Variants in JOSD1 observed in about 807,000 individuals in gnomAD.
JOSD1 encodes the protein josephin-1.
JOSD1 carries 11 observed loss-of-function variants against 24.3 expected under a neutral mutation model. That is an observed-to-expected ratio of 0.45 (90% confidence interval 0.29 to 0.75). JOSD1 has a LOEUF of 0.75. Ranked by LOEUF, JOSD1 falls within the 30% of genes least tolerant of loss-of-function variation. The pLI is 0.11. For synonymous variants in JOSD1, 106 were observed against 93.8 expected, an observed-to-expected ratio of 1.13 and a Z score of -0.75; for missense variants, 184 against 253.5, an observed-to-expected ratio of 0.73 and a Z score of 1.86.
At position 38,700,880 on chromosome 22, in the gene JOSD1, G is replaced by GCTCGCCGCTGGCGGTCCC. The variant is rs1444357636; in HGVS notation, c.-730_-713dup. ...CGCAGACCCCAGGGCCGCCGGGACT[G>GCTCGCCGCTGGCGGTCCC]CTCGCCGCTGGCGGTCCCCTCACCG... On this transcript the variant is annotated 5_prime_UTR_variant, in exon 1 of 5. Coordinates refer to ENST00000683374, the MANE Select transcript of JOSD1 (RefSeq NM_001360236.2). The GCTCGCCGCTGGCGGTCCC allele has an allele frequency of 1.0e-6, 1 of 984,086 alleles. No individual in the cohort carries two copies. The highest frequency in any genetic ancestry group is 1.2e-6 in the Non-Finnish European group (1 of 829,432). The allele number at this position is 984,086 out of a possible 1,614,324, so 61.0% of individuals were successfully genotyped here.
intron 2 of JOSD1, among the ~76,000 whole-genome samples, chr22:38,691,659 T>C (rs1054305625): frequency 6.6e-6 from 1 of 152,160 alleles, no homozygotes; most frequent in Non-Finnish European, 1.5e-5. Flanking sequence ...GTTACTGCCA[T>C]AGAGAGGCCT....
chr22:38,687,953 C>A lies in JOSD1; in HGVS notation c.558G>T (p.Leu186=), dbSNP rs1285401552. The A allele has an allele frequency of 6.2e-7, 1 of 1,614,054 alleles. No individual in the cohort carries two copies. The highest frequency in any genetic ancestry group is 1.7e-5 in the Admixed American group (1 of 60,032). ...GAGCCTCTACCTCTTCTGGTACCAC[C>A]AGCAGGAGTTCACAGTTCTTTCCTC... is the stretch of plus-strand genomic sequence containing the variant. ...HLRGKNCELL[L]VVPEEVEAHQ... The change falls in exon 5 of 5, where the codon CTG becomes CTT. Residue 186 remains leucine, a synonymous_variant. Coordinates refer to ENST00000683374, the MANE Select transcript of JOSD1 (RefSeq NM_001360236.2).
chr22:38,689,854 T>C (rs560369150), intron 2 of JOSD1, among the ~76,000 whole-genome samples: 27 of 151,680 alleles, frequency 1.8e-4, no homozygotes, highest in Non-Finnish European at 3.1e-4. Context: ...TGGGGTTGGA[T>C]ATAAGGCAAT....
In JOSD1 at chr22:38,687,979, G is replaced by A; in HGVS notation, c.532C>T (p.Arg178Ter). The A allele has an allele frequency of 3.1e-6, 5 of 1,613,036 alleles. No individual in the cohort carries two copies. The highest frequency in any genetic ancestry group is 2.2e-5 in the East Asian group (1 of 44,876). The change falls in exon 5 of 5, where the codon CGA becomes TGA. Residue 178 changes from arginine (R) to a stop codon, truncating the protein, a stop_gained. Transcript: ENST00000683374. LOFTEE classifies it high-confidence loss of function. ...ELRKFLKHHL[R>*]GKNCELLLVV... ...AGCAGGAGTTCACAGTTCTTTCCTC[G>A]CAAATGATGTTTTAGAAACTTCCTA...
rs1375670513 is a variant in JOSD1 at position 38,700,563 on chromosome 22, G to A, written c.-576C>T. ...CCTCCATCCCCTCGGGTACGGTGGG[G>A]CCCGCAGGGCGCGGCTCCCTCGGAA... On this transcript the variant is annotated 5_prime_UTR_variant, in exon 2 of 5. Coordinates refer to ENST00000683374, the MANE Select transcript of JOSD1 (RefSeq NM_001360236.2). 9.1e-6 allele frequency: 9 copies of A among 985,474 alleles called. No individual in the cohort carries two copies. The highest frequency in any genetic ancestry group is 1.7e-5 in the African/African-American group (1 of 57,242). The allele number at this position is 985,474 out of a possible 1,614,324, so 61.0% of individuals were successfully genotyped here. A position where few individuals can be genotyped will look rare whatever the true frequency, so the allele number is the denominator to read the frequency against.
Position 38,685,964 on chromosome 22 carries a change from GGA to G in JOSD1, c.*1936_*1937del, listed in dbSNP as rs1477511468. On this transcript the variant is annotated 3_prime_UTR_variant, in exon 5 of 5. Coordinates refer to ENST00000683374, the MANE Select transcript of JOSD1 (RefSeq NM_001360236.2). ...TTTGCACAGGCCCAAGTGGATTTGT[GGA>G]GAGGAGTTTCCTCCTCTACCCAAGA... is the stretch of plus-strand genomic sequence containing the variant. 2 of 152,738 alleles carry G rather than the reference GGA, an allele frequency of 1.3e-5. No individual in the cohort carries two copies. Among genetic ancestry groups the G allele is most frequent in the Admixed American group, 1.3e-4 (2 of 15,286 alleles). 9.5% of individuals were successfully genotyped at this position (152,738 alleles called of 1,614,324 possible). A position where few individuals can be genotyped will look rare whatever the true frequency, so the allele number is the denominator to read the frequency against.
At chr22:38,688,130 T>G in intron 4 of JOSD1, 129 bp from the exon 5 acceptor site, 3 of 659,312 alleles carry the variant, frequency 4.6e-6, no homozygotes, top group Non-Finnish European at 8.1e-6. Flanking sequence ...TCATCTGGTT[T>G]TGGAGGGTTC....
At chr22:38,695,515 A>G (rs1046162740) in intron 2 of JOSD1, among the ~76,000 whole-genome samples, 3 of 148,716 alleles carry the variant, frequency 2.0e-5, no homozygotes, top group Admixed American at 6.8e-5. Flanking sequence ...TGGCACGAAC[A>G]TGGCTCACTG....
rs937053465 is a variant in JOSD1, at chr22:38,686,875, G to A, written c.*1027C>T. Reference sequence around the variant, plus strand: ...AAAACTGCTCTTTGGCTTCTCTTTTGTCCCAGAGCCTCCTAAATCAATGCT... The same window carrying A: ...AAAACTGCTCTTTGGCTTCTCTTTTATCCCAGAGCCTCCTAAATCAATGCT... On this transcript the variant is annotated 3_prime_UTR_variant, in exon 5 of 5. Coordinates refer to ENST00000683374, the MANE Select transcript of JOSD1 (RefSeq NM_001360236.2). The A allele has an allele frequency of 5.9e-5, 9 of 152,048 alleles. No homozygotes were observed. The highest frequency in any genetic ancestry group is 1.9e-4 in the African/African-American group (8 of 41,392). The allele number at this position is 152,048 out of a possible 1,614,324, so 9.4% of individuals were successfully genotyped here.
rs934753285 is a variant in JOSD1 at position 38,687,631 on chromosome 22, C to T, written c.*271G>A. 6.2e-5 allele frequency: 26 copies of T among 417,186 alleles called. No individual in the cohort carries two copies. Among genetic ancestry groups the T allele is most frequent in the Non-Finnish European group, 6.4e-5 (15 of 235,626 alleles). The allele number at this position is 417,186 out of a possible 1,614,324, so 25.8% of individuals were successfully genotyped here. A position where few individuals can be genotyped will look rare whatever the true frequency, so the allele number is the denominator to read the frequency against. On this transcript the variant is annotated 3_prime_UTR_variant, in exon 5 of 5. Coordinates refer to ENST00000683374, the MANE Select transcript of JOSD1 (RefSeq NM_001360236.2). ...GGAAAATAAGCTAGGATTCCCTCCC[C>T]GCTCCACTTTCTCCTCTGTCTCTTA...
intron 3 of JOSD1, 79 bp downstream of exon 3, chr22:38,689,217 T>C: frequency 6.2e-7 from 1 of 1,604,314 alleles, no homozygotes; most frequent in Non-Finnish European, 8.5e-7. Flanking sequence ...ACCTCCCCAC[T>C]CATGCCATGA....
intron 2 of JOSD1, among the ~76,000 whole-genome samples, chr22:38,692,810 GA>G (rs1175529148): frequency 7.7e-6 from 1 of 130,024 alleles, no homozygotes; most frequent in Non-Finnish European, 1.6e-5. Context: ...AAAAAAGAAA[GA>G]AAAAAAGAGA....
chr22:38,692,781 C>CAAAAAAAAAAAAAAAAAAAAAAAAAAAA (rs61214432), intron 2 of JOSD1, among the ~76,000 whole-genome samples: 2 of 45,026 alleles, frequency 4.4e-5, no homozygotes, highest in Non-Finnish European at 9.5e-5. Flanking sequence ...AACTCTGTCT[C>CAAAAAAAAAAAAAAAAAAAAAAAAAAAA]AAAAAAAAAA....
At chr22:38,692,653 T>C (rs59458863) in intron 2 of JOSD1, among the ~76,000 whole-genome samples, 9,988 of 150,986 alleles carry the variant, frequency 0.066, 704 homozygotes, top group African/African-American at 0.18. Context: ...TGGTGGCAGG[T>C]GCCTGTAATC....
chr22:38,697,236 G>A (rs1569266451), intron 2 of JOSD1, among the ~76,000 whole-genome samples: 1 of 152,118 alleles, frequency 6.6e-6, no homozygotes, highest in Non-Finnish European at 1.5e-5. Context: ...TTTTCCTCTA[G>A]ATTCCTTTCA....
Position 38,687,626 on chromosome 22 carries a change from C to T in JOSD1, c.*276G>A, listed in dbSNP as rs1486897474. The T allele has an allele frequency of 4.9e-6, 2 of 410,138 alleles. No individual in the cohort carries two copies. Among genetic ancestry groups the T allele is most frequent in the East Asian group, 4.0e-5 (1 of 24,862 alleles). The allele number at this position is 410,138 out of a possible 1,614,324, so 25.4% of individuals were successfully genotyped here. A position where few individuals can be genotyped will look rare whatever the true frequency, so the allele number is the denominator to read the frequency against. Reference sequence around the variant, plus strand: ...AAAAGGGAAAATAAGCTAGGATTCCCTCCCCGCTCCACTTTCTCCTCTGTC... The same window carrying T: ...AAAAGGGAAAATAAGCTAGGATTCCTTCCCCGCTCCACTTTCTCCTCTGTC... On this transcript the variant is annotated 3_prime_UTR_variant, in exon 5 of 5. Transcript: ENST00000683374.
rs755542546 is a variant in JOSD1 at position 38,700,055 on chromosome 22, G to C, written c.-68C>G. The stretch of plus-strand genomic sequence containing the variant: ...TCTTCCCTCTAGAGGAAGAATGTAA[G>C]CTTCTCAGTCTTTTCCGGATTCCTG... On this transcript the variant is annotated 5_prime_UTR_variant, in exon 2 of 5. Transcript: ENST00000683374. 1.6e-5 allele frequency: 24 copies of C among 1,512,588 alleles called. No individual in the cohort carries two copies. The highest frequency in any genetic ancestry group is 1.8e-5 in the Non-Finnish European group (20 of 1,133,708). 93.7% of individuals were successfully genotyped at this position (1,512,588 alleles called of 1,614,324 possible). A position where few individuals can be genotyped will look rare whatever the true frequency, so the allele number is the denominator to read the frequency against.
chr22:38,691,667 CCTT>C (rs1386577500), intron 2 of JOSD1, among the ~76,000 whole-genome samples: 1 of 152,086 alleles, frequency 6.6e-6, no homozygotes, highest in Non-Finnish European at 1.5e-5. Flanking sequence ...CATAGAGAGG[CCTT>C]TTCTTTTTCT....
chr22:38,687,583 T>C lies in JOSD1; in HGVS notation c.*319A>G, dbSNP rs2145801602. 3.2e-6 allele frequency: 1 copy of C among 309,312 alleles called. No individual in the cohort carries two copies. The highest frequency in any genetic ancestry group is 6.0e-6 in the Non-Finnish European group (1 of 167,384). 19.2% of individuals were successfully genotyped at this position (309,312 alleles called of 1,614,324 possible). On this transcript the variant is annotated 3_prime_UTR_variant, in exon 5 of 5. Coordinates refer to ENST00000683374, the MANE Select transcript of JOSD1 (RefSeq NM_001360236.2). ...GCAGCAGTGACAACTCAGCAGAACC[T>C]GTGTCAAGTCCTCATAGAAAAGGGA...
Sources: allele counts gnomAD v4.1 joint callset (sites outside exome capture counted in the v4.1 genomes callset), GRCh38; gene constraint gnomAD v4.1.1; transcripts MANE v1.5; gene names NCBI Gene and HGNC (gene_info 2026-07-23, HGNC 2026-07-21).